Variants in KPNA1 observed in about 807,000 individuals in gnomAD.
The protein encoded by KPNA1 is karyopherin subunit alpha 1, also known as importin subunit alpha-5.
KPNA1 carries 10 observed loss-of-function variants against 70.5 expected under a neutral mutation model. That is an observed-to-expected ratio of 0.14 (90% CI 0.09 to 0.24). The LOEUF (loss-of-function observed/expected upper bound fraction) is 0.24, where lower values mean the gene tolerates loss of function less well. Ranked by LOEUF, KPNA1 falls within the 10% of genes least tolerant of loss-of-function variation. The probability of loss-of-function intolerance (pLI) is 1.00; values close to 1 mark genes in which losing one functional copy is unlikely to be tolerated. For synonymous variants in KPNA1, 192 were observed against 221.9 expected (o/e 0.87, Z 1.20); for missense variants, 397 against 637.9 (o/e 0.62, Z 4.07).
chr3:122,501,030 CTTTTT>C (rs112073834), intron 1 of KPNA1, among the ~76,000 whole-genome samples: 1 of 126,872 alleles, frequency 7.9e-6, no homozygotes, highest in Non-Finnish European at 1.7e-5. Context: ...CTTTTCTTTC[CTTTTT>C]TTTTTTTTTT....
At chr3:122,428,622 A>G (rs1009855361) in intron 12 of KPNA1, among the ~76,000 whole-genome samples, 19 of 152,254 alleles carry the variant, frequency 1.2e-4, no homozygotes, top group Admixed American at 1.1e-3. Context: ...ACATTTGATC[A>G]TTCAGATGAT....
intron 5 of KPNA1, chr3:122,460,709 T>C (rs2076315119): frequency 1.1e-6 from 1 of 938,796 alleles, no homozygotes; most frequent in Non-Finnish European, 1.3e-6. Context: ...TGGAATCCCT[T>C]ATATAGTACA....
chr3:122,471,292 AGTAT>A (rs1229741786), intron 2 of KPNA1, among the ~76,000 whole-genome samples: 1 of 152,212 alleles, frequency 6.6e-6, no homozygotes, highest in Non-Finnish European at 1.5e-5. Context: ...GAAAGTTTGC[AGTAT>A]GTCCCAAAAT....
intron 5 of KPNA1, chr3:122,459,405 CTT>C: frequency 1.0e-6 from 1 of 985,022 alleles, no homozygotes; most frequent in Non-Finnish European, 1.2e-6. Context: ...GAAAGAAACA[CTT>C]TTTTCAGCAT....
At chr3:122,440,655 G>T (rs1414723981) in intron 10 of KPNA1, among the ~76,000 whole-genome samples, 1 of 152,188 alleles carries the variant, frequency 6.6e-6, no homozygotes, top group Non-Finnish European at 1.5e-5. Context: ...TCCTTCCAGA[G>T]AAATTTTATG....
At chr3:122,451,454 T>G in intron 8 of KPNA1, 80 bp downstream of exon 8, 1 of 701,764 alleles carries the variant, frequency 1.4e-6, no homozygotes. Flanking sequence ...AAAAATTATC[T>G]TCCTGTTCAC....
chr3:122,507,420 G>A (rs1349847748), intron 1 of KPNA1, among the ~76,000 whole-genome samples: 10 of 131,534 alleles, frequency 7.6e-5, no homozygotes, highest in East Asian at 4.4e-4. Context: ...CAGCCTGGGC[G>A]ACAGAGCAAG....
chr3:122,437,990 A>G (rs1295222887), intron 10 of KPNA1, among the ~76,000 whole-genome samples: 1 of 152,252 alleles, frequency 6.6e-6, no homozygotes, highest in African/African-American at 2.4e-5. Context: ...TGGAATAAAA[A>G]GCTAAACAGA....
chr3:122,469,084 A>C (rs1023007024), intron 2 of KPNA1, among the ~76,000 whole-genome samples: 1 of 152,198 alleles, frequency 6.6e-6, no homozygotes, highest in African/African-American at 2.4e-5. Flanking sequence ...AAACTGTAGC[A>C]GGCCATGTCT....
chr3:122,501,506 A>G (rs953001313), intron 1 of KPNA1, among the ~76,000 whole-genome samples: 1 of 152,174 alleles, frequency 6.6e-6, no homozygotes, highest in Non-Finnish European at 1.5e-5. Context: ...TTTAACTTAC[A>G]CATATTGGTG....
intron 9 of KPNA1, among the ~76,000 whole-genome samples, chr3:122,447,857 C>G (rs1007695016): frequency 2.0e-5 from 3 of 152,034 alleles, no homozygotes; most frequent in African/African-American, 7.2e-5. Flanking sequence ...GCAAAAATCA[C>G]AAGCATTCCT....
chr3:122,458,198 A>T (rs1290726526), intron 5 of KPNA1, among the ~76,000 whole-genome samples: 1 of 152,226 alleles, frequency 6.6e-6, no homozygotes, highest in Non-Finnish European at 1.5e-5. Context: ...CAGCATTGCA[A>T]AGGACAGCAC....
intron 9 of KPNA1, 43 bp downstream of exon 9, chr3:122,449,531 C>A: frequency 6.5e-7 from 1 of 1,528,250 alleles, no homozygotes; most frequent in Non-Finnish European, 8.9e-7. Flanking sequence ...AAAACTAGTA[C>A]CAAGGGAGAG....
chr3:122,477,439 C>T (rs2076515582), intron 2 of KPNA1, among the ~76,000 whole-genome samples: 1 of 152,142 alleles, frequency 6.6e-6, no homozygotes, highest in Non-Finnish European at 1.5e-5. Flanking sequence ...ATGGCTCACA[C>T]CTGAAATCCC....
intron 10 of KPNA1, among the ~76,000 whole-genome samples, chr3:122,437,710 T>C (rs72958416): frequency 3.3e-4 from 50 of 152,292 alleles, no homozygotes; most frequent in African/African-American, 1.1e-3. Flanking sequence ...TGAGGTATAT[T>C]AGATGCTTTA....
chr3:122,422,728 T>C lies in KPNA1; in HGVS notation c.*4257A>G, dbSNP rs1210086795. 5.3e-5 allele frequency: 8 copies of C among 152,184 alleles called. No individual in the cohort carries two copies. The East Asian group carries it at 1.5e-3, about 29-fold the overall frequency. 9.4% of individuals were successfully genotyped at this position (152,184 alleles called of 1,614,324 possible). A position where few individuals can be genotyped will look rare whatever the true frequency, so the allele number is the denominator to read the frequency against. ...TAAGTCTTCACTTTGTCATCTATAATATAGTGACAATTATCAAAGAACATT... is the reference window on the plus strand; with the variant it reads ...TAAGTCTTCACTTTGTCATCTATAACATAGTGACAATTATCAAAGAACATT... On this transcript the variant is annotated 3_prime_UTR_variant, in exon 14 of 14. Transcript: ENST00000344337.
At position 122,507,666 on chromosome 3, in the gene KPNA1, C is replaced by T. The variant is rs563931534; in HGVS notation, c.-6+7091G>A. Among the ~76,000 whole-genome samples the T allele has an allele frequency of 1.3e-4, 19 of 151,556 alleles. No individual in the cohort carries two copies. The South Asian group carries it at 3.7e-3, about 30-fold the overall frequency. On this transcript the variant is annotated intron_variant, in intron 1 of 13. Transcript: ENST00000344337. Reference sequence around the variant, plus strand: ...ACTACTATTTTTTCAACTGAGTATGCTGTTATTTCTTCAGAAGTTCTGATC... The same window carrying T: ...ACTACTATTTTTTCAACTGAGTATGTTGTTATTTCTTCAGAAGTTCTGATC...
chr3:122,490,724 A>C (rs1440616365), intron 2 of KPNA1, among the ~76,000 whole-genome samples: 1 of 152,224 alleles, frequency 6.6e-6, no homozygotes, highest in Non-Finnish European at 1.5e-5. Flanking sequence ...GCTCACTGCA[A>C]AAAGGTAATT....
At position 122,507,896 on chromosome 3, in the gene KPNA1, T is replaced by C. The variant is rs1314685967; in HGVS notation, c.-6+6861A>G. On this transcript the variant is annotated intron_variant, in intron 1 of 13. Coordinates refer to ENST00000344337, the MANE Select transcript of KPNA1 (RefSeq NM_002264.4). ...TGAATTTAATAACCACTGTAATATA[T>C]CTGTTTTAAGAACACTTATGAGGGT... 7.9e-5 allele frequency among the ~76,000 whole-genome samples: 12 copies of C among 152,168 alleles called. No individual in the cohort carries two copies. The East Asian group carries it at 2.3e-3, about 29-fold the overall frequency.
Sources: gnomAD v4.1 joint callset for allele counts (sites outside exome capture counted in the v4.1 genomes callset) on GRCh38, gnomAD v4.1.1 for gene constraint, MANE v1.5 for transcripts, NCBI Gene and HGNC (gene_info 2026-07-23, HGNC 2026-07-21) for gene names.